Variants in MOBP observed in about 807,000 individuals in gnomAD.
MOBP encodes myelin associated oligodendrocyte basic protein, also known as myelin-associated oligodendrocyte basic protein.
MOBP carries 5 observed loss-of-function variants against 15.0 expected under a neutral mutation model. The observed-to-expected ratio is 0.33, with a 90% CI of 0.17 to 0.70. The LOEUF is 0.70. MOBP is among the 30% of genes least tolerant of loss of function. The pLI, the probability that MOBP is intolerant of heterozygous loss-of-function variation, is 0.67. For synonymous variants in MOBP, 88 were observed against 99.0 expected (o/e 0.89, Z 0.66); for missense variants, 188 against 257.8 (o/e 0.73, Z 1.85).
At chr3:39,493,099 T>G (rs1403889808) in intron 2 of MOBP, among the ~76,000 whole-genome samples, 1 of 152,152 alleles carries the variant, frequency 6.6e-6, no homozygotes, top group African/African-American at 2.4e-5. Flanking sequence ...GTGGCTTTCA[T>G]GACATGATTA....
chr3:39,499,859 C>G (rs2042944495), intron 2 of MOBP: 1 of 360,912 alleles, frequency 2.8e-6, no homozygotes, highest in Non-Finnish European at 5.5e-6. Flanking sequence ...CACTGTGTAT[C>G]TGCTTAGGTA....
At chr3:39,488,666 TC>T (rs752106878) in intron 2 of MOBP, among the ~76,000 whole-genome samples, 1 of 152,098 alleles carries the variant, frequency 6.6e-6, no homozygotes, top group Admixed American at 6.5e-5. Context: ...CTTACCTTTT[TC>T]CCCCCAGCCT....
intron 1 of MOBP, among the ~76,000 whole-genome samples, chr3:39,472,949 A>T (rs1298346894): frequency 2.0e-5 from 3 of 152,138 alleles, no homozygotes; most frequent in Admixed American, 6.5e-5. Context: ...CAAAAAGGAA[A>T]AAAAAATAAT....
chr3:39,469,004 A>G (rs1435663776), intron 1 of MOBP, among the ~76,000 whole-genome samples: 2 of 107,566 alleles, frequency 1.9e-5, no homozygotes, highest in African/African-American at 9.5e-5. Flanking sequence ...GTGTGTATAT[A>G]TACATATATA....
chr3:39,502,764 C>T lies in MOBP; in HGVS notation c.436C>T (p.Pro146Ser). ...QPRPRPEVRPPPAKQRPPQKS... is the reference protein window; with the variant it reads ...QPRPRPEVRPSPAKQRPPQKS... ...ACGTCCCCGCCCAGAGGTCCGACCA[C>T]CGCCAGCCAAGCAGCGTCCCCCTCA... The change falls in exon 4 of 4, where the codon CCG becomes TCG. Residue 146 changes from proline to serine, a missense_variant. Around this residue, in one of 2 missense-constraint regions of MOBP, gnomAD observed 133 missense variants for 212.5 expected, o/e 0.63. Coordinates refer to ENST00000684792, the MANE Select transcript of MOBP (RefSeq NM_001393704.1). This position sits in a 1 kb window ranked among gnomAD's most constrained non-coding sequence, Gnocchi z 6.3. The T allele has an allele frequency of 1.3e-6, 2 of 1,535,736 alleles. No individual in the cohort carries two copies. Among genetic ancestry groups the T allele is most frequent in the Non-Finnish European group, 8.7e-7 (1 of 1,146,730 alleles).
intron 1 of MOBP, among the ~76,000 whole-genome samples, chr3:39,469,049 T>C (rs2042411252): frequency 1.4e-5 from 1 of 73,804 alleles, no homozygotes; most frequent in South Asian, 3.9e-4. Context: ...TATACATATG[T>C]GTGTGTATAT....
downstream of MOBP, among the ~76,000 whole-genome samples, chr3:39,519,425 A>G (rs551580194): frequency 1.4e-4 from 21 of 150,230 alleles, no homozygotes; most frequent in African/African-American, 5.1e-4. Flanking sequence ...TTAAAAAATC[A>G]TTTTCCAAGT....
downstream of MOBP, among the ~76,000 whole-genome samples, chr3:39,516,278 G>A (rs1559429657): frequency 1.3e-5 from 2 of 152,298 alleles, no homozygotes; most frequent in African/African-American, 4.8e-5. Flanking sequence ...TGAAAGTGCT[G>A]CGGGGAGGGC....
chr3:39,493,178 A>C (rs1226231575), intron 2 of MOBP, among the ~76,000 whole-genome samples: 9 of 152,196 alleles, frequency 5.9e-5, no homozygotes, highest in African/African-American at 2.2e-4. Context: ...GAAGAAGGGC[A>C]AAAAATCCAC....
intron 2 of MOBP, among the ~76,000 whole-genome samples, chr3:39,493,337 C>G (rs892944685): frequency 5.9e-5 from 9 of 151,902 alleles, no homozygotes; most frequent in Non-Finnish European, 1.2e-4. Context: ...TTAAAGATAG[C>G]AAATTAATTT....
intron 1 of MOBP, among the ~76,000 whole-genome samples, chr3:39,472,307 C>A (rs2125622479): frequency 6.6e-6 from 1 of 152,222 alleles, no homozygotes; most frequent in South Asian, 2.1e-4. Flanking sequence ...AGTTGGTTAA[C>A]CTATTGTATG....
At chr3:39,506,374 C>T (rs927041415), downstream of MOBP, among the ~76,000 whole-genome samples, 2 of 152,036 alleles carry the variant, frequency 1.3e-5, no homozygotes, top group African/African-American at 4.8e-5. Flanking sequence ...GCAGATTCCT[C>T]CAGAAGTAAC....
At chr3:39,484,517 G>T (rs1210350403) in intron 2 of MOBP, among the ~76,000 whole-genome samples, 1 of 152,150 alleles carries the variant, frequency 6.6e-6, no homozygotes, top group East Asian at 1.9e-4. Context: ...GAGACCAGCT[G>T]GGCCCGCCTG....
chr3:39,514,691 G>T (rs2043172915), exon 5 of MOBP: 1 of 152,326 alleles, frequency 6.6e-6, no homozygotes, highest in Non-Finnish European at 1.5e-5. Flanking sequence ...GATGTGAGGG[G>T]TCTGAACCCA....
chr3:39,472,530 G>C (rs1290278739), intron 1 of MOBP, among the ~76,000 whole-genome samples: 2 of 152,188 alleles, frequency 1.3e-5, no homozygotes, highest in African/African-American at 4.8e-5. Flanking sequence ...TCTGTAGTTT[G>C]ATAAAGTGTT....
At chr3:39,516,039 T>C (rs1057311834), downstream of MOBP, 1 of 152,240 alleles carries the variant, frequency 6.6e-6, no homozygotes, top group African/African-American at 2.4e-5. Flanking sequence ...AGGAATATTT[T>C]TTCAAAAGTT....
chr3:39,490,042 C>G (rs1204832874), intron 2 of MOBP, among the ~76,000 whole-genome samples: 2 of 152,140 alleles, frequency 1.3e-5, no homozygotes, highest in Non-Finnish European at 2.9e-5. Flanking sequence ...TTACTGCTTA[C>G]ATTGTATTTG....
downstream of MOBP, among the ~76,000 whole-genome samples, chr3:39,504,723 A>G (rs1007401098): frequency 6.6e-6 from 1 of 152,182 alleles, no homozygotes; most frequent in Non-Finnish European, 1.5e-5. Context: ...CTTCTTCATC[A>G]TATTGTCTAT....
At chr3:39,470,474 C>G (rs1042801696) in intron 1 of MOBP, among the ~76,000 whole-genome samples, 3 of 152,132 alleles carry the variant, frequency 2.0e-5, no homozygotes, top group African/African-American at 7.2e-5. Flanking sequence ...TTACACACAG[C>G]TAGTGAATGA....
Sources: allele counts gnomAD v4.1 joint callset (sites outside exome capture counted in the v4.1 genomes callset), GRCh38; gene constraint gnomAD v4.1.1; regional missense constraint gnomAD v4.1.1; non-coding constraint Gnocchi (gnomAD v3.1); transcripts MANE v1.5; gene names NCBI Gene and HGNC (gene_info 2026-07-23, HGNC 2026-07-21).